B4GALNT3: variants seen among roughly 807,000 people sequenced by gnomAD.
B4GALNT3 encodes beta-1,4-N-acetyl-galactosaminyltransferase 3, also known as beta-1,4-N-acetylgalactosaminyltransferase 3.
Under a neutral mutation model 120.2 loss-of-function variants are expected in B4GALNT3, and 86 were observed. The observed-to-expected ratio is 0.72, with a 90% CI of 0.60 to 0.86. The LOEUF is 0.86. Among genes scored for constraint, B4GALNT3 ranks in the 40% least tolerant of loss-of-function variants. The pLI is 0.00. For synonymous variants in B4GALNT3, 518 were observed against 510.4 expected (o/e 1.01, Z -0.20); for missense variants, 1,167 against 1,298.9 (o/e 0.90, Z 1.56).
chr12:503,263 G>A (rs1223064989), intron 1 of B4GALNT3, among the ~76,000 whole-genome samples: 1 of 152,086 alleles, frequency 6.6e-6, no homozygotes, highest in Admixed American at 6.6e-5. Flanking sequence ...CTGCATACCT[G>A]TTCTCTCACC....
intron 1 of B4GALNT3, among the ~76,000 whole-genome samples, chr12:502,390 C>T (rs1946453348): frequency 1.3e-5 from 2 of 152,162 alleles, no homozygotes; most frequent in South Asian, 4.1e-4. Context: ...ATTATACGCT[C>T]TGGGGCCTCC....
At chr12:464,037 G>A (rs1377202036) in intron 1 of B4GALNT3, among the ~76,000 whole-genome samples, 1 of 152,212 alleles carries the variant, frequency 6.6e-6, no homozygotes, top group East Asian at 1.9e-4. Flanking sequence ...GTCCTGACGA[G>A]TCCCCTTGTT....
chr12:512,944 CTTCTTCCACCTTCCACCTTCCACT>C (rs75933547), intron 1 of B4GALNT3, among the ~76,000 whole-genome samples: 1 of 131,236 alleles, frequency 7.6e-6, no homozygotes, highest in Non-Finnish European at 1.7e-5. Flanking sequence ...CACCTTCCAC[CTTCTTCCACCTTCCACCTTCCACT>C]TTCCACCTTC....
At chr12:508,304 T>C (rs910076471) in intron 1 of B4GALNT3, among the ~76,000 whole-genome samples, 1 of 152,168 alleles carries the variant, frequency 6.6e-6, no homozygotes, top group Non-Finnish European at 1.5e-5. Flanking sequence ...AGGGTCTTGC[T>C]CCATCACCCA....
chr12:468,670 A>G (rs527475667), intron 1 of B4GALNT3, among the ~76,000 whole-genome samples: 8 of 152,360 alleles, frequency 5.3e-5, no homozygotes, highest in South Asian at 4.1e-4. Flanking sequence ...ATGAAGATCT[A>G]TGGCTGCTGC....
At chr12:552,593 G>T in intron 13 of B4GALNT3, 65 bp downstream of exon 13, 3 of 1,524,958 alleles carry the variant, frequency 2.0e-6, no homozygotes, top group Non-Finnish European at 1.8e-6. Context: ...TGTTTCCAGG[G>T]GATGTTCAGA....
chr12:544,208 G>A lies in B4GALNT3; in HGVS notation c.352-131G>A, dbSNP rs924779626. On this transcript the variant is annotated intron_variant, in intron 3 of 19. Coordinates refer to ENST00000266383, the MANE Select transcript of B4GALNT3 (RefSeq NM_173593.4). ...TCCTGGAGCTGAGGCTCTGGGGAGG[G>A]CATGGGGTGCTCATCCTCCTGGAGC... 128 of 748,864 alleles carry A rather than the reference G, an allele frequency of 1.7e-4. 1 individual carries two copies. Among genetic ancestry groups the A allele is most frequent in the Admixed American group, 5.4e-4 (25 of 46,386 alleles). 46.4% of individuals were successfully genotyped at this position (748,864 alleles called of 1,614,324 possible).
At position 553,000 on chromosome 12, in the gene B4GALNT3, T is replaced by A. The variant is rs551837930; in HGVS notation, c.1271-194T>A. 228 of 718,816 alleles carry A rather than the reference T, an allele frequency of 3.2e-4. 1 individual carries two copies. The South Asian group carries it at 4.1e-3, about 13-fold the overall frequency. The allele number at this position is 718,816 out of a possible 1,614,324, so 44.5% of individuals were successfully genotyped here. A position where few individuals can be genotyped will look rare whatever the true frequency, so the allele number is the denominator to read the frequency against. On this transcript the variant is annotated intron_variant, in intron 13 of 19. Transcript: ENST00000266383. ...GAGAGATGCAGTATTATTCCCTTTA[T>A]GCAGATGAAGAAACTGGGGTTAATT...
intron 3 of B4GALNT3, among the ~76,000 whole-genome samples, chr12:543,873 C>T (rs1946954192): frequency 8.2e-6 from 1 of 121,692 alleles, no homozygotes; most frequent in Non-Finnish European, 1.7e-5. Flanking sequence ...CTGGGGCGGG[C>T]ATGGGGTGCT....
chr12:511,452 CCTT>C (rs200073820), intron 1 of B4GALNT3, among the ~76,000 whole-genome samples: 2,756 of 76,634 alleles, frequency 0.036, 266 homozygotes, highest in East Asian at 0.13. Flanking sequence ...CCACCTTCCA[CCTT>C]CTTCCACCTT....
chr12:522,095 C>T (rs1256176426), intron 1 of B4GALNT3, among the ~76,000 whole-genome samples: 1 of 152,118 alleles, frequency 6.6e-6, no homozygotes, highest in African/African-American at 2.4e-5. Flanking sequence ...AGCTTTGCCA[C>T]CAAAGAAGAG....
At chr12:479,167 C>A (rs1946211686) in intron 1 of B4GALNT3, among the ~76,000 whole-genome samples, 1 of 152,102 alleles carries the variant, frequency 6.6e-6, no homozygotes, top group African/African-American at 2.4e-5. Context: ...TCTGCAGTGA[C>A]CTGACTCTTG....
intron 17 of B4GALNT3, 50 bp downstream of exon 17, chr12:558,138 A>C (rs1370296653): frequency 6.3e-7 from 1 of 1,586,290 alleles, no homozygotes; most frequent in Non-Finnish European, 8.7e-7. Context: ...GCTGGTTAAG[A>C]GGTAGAGAGA....
In B4GALNT3 at chr12:551,018, A is replaced by G. The variant is rs1409570416; in HGVS notation, c.1094A>G (p.Gln365Arg). ...LVDGLPLQRY[Q>R]GLRFVHLSFV... Reference sequence around the variant, plus strand: ...GATGGGCTTCCTCTGCAGCGCTACCAGGGACTCCGGTTTGTAAGTCTTGGG... The same window carrying G: ...GATGGGCTTCCTCTGCAGCGCTACCGGGGACTCCGGTTTGTAAGTCTTGGG... Residue 365 changes from glutamine (Q) to arginine (R), a missense_variant, in exon 11 of 20, where the codon CAG (glutamine) becomes CGG (arginine). By Grantham distance (43) the Gln-to-Arg change is conservative (BLOSUM62 1). Coordinates refer to ENST00000266383, the MANE Select transcript of B4GALNT3 (RefSeq NM_173593.4). 6.2e-7 allele frequency: 1 copy of G among 1,611,434 alleles called. No individual in the cohort carries two copies. The highest frequency in any genetic ancestry group is 8.5e-7 in the Non-Finnish European group (1 of 1,177,550).
At chr12:533,691 G>A (rs1361480520) in intron 1 of B4GALNT3, among the ~76,000 whole-genome samples, 1 of 152,182 alleles carries the variant, frequency 6.6e-6, no homozygotes, top group Non-Finnish European at 1.5e-5. Flanking sequence ...CTGTGAAATG[G>A]GGTCATGGAG....
intron 1 of B4GALNT3, among the ~76,000 whole-genome samples, chr12:465,996 T>C (rs1313237132): frequency 5.9e-5 from 8 of 134,978 alleles, no homozygotes; most frequent in Admixed American, 1.5e-4. Context: ...GGTGATGGGG[T>C]TTCCTGCCAC....
At chr12:494,550 G>A (rs1351420089) in intron 1 of B4GALNT3, among the ~76,000 whole-genome samples, 1 of 152,290 alleles carries the variant, frequency 6.6e-6, no homozygotes, top group Non-Finnish European at 1.5e-5. Context: ...AGGATTGGGT[G>A]GGACCATAGC....
intron 1 of B4GALNT3, among the ~76,000 whole-genome samples, chr12:512,176 TCCGCCTTCCACCTTCCGCCTTCCA>T (rs574130728): frequency 1.4e-5 from 1 of 71,798 alleles, no homozygotes; most frequent in Non-Finnish European, 2.5e-5. Flanking sequence ...CCTTCCGCCT[TCCGCCTTCCACCTTCCGCCTTCCA>T]CCTTCCACCT....
Position 544,428 on chromosome 12 carries a change from C to T in B4GALNT3, c.441C>T (p.Tyr147=), listed in dbSNP as rs150421237. 2,791 of 1,613,618 alleles carry T rather than the reference C, an allele frequency of 1.7e-3. 41 individuals carry two copies. Among genetic ancestry groups the T allele is most frequent in the East Asian group, 4.4e-3 (197 of 44,886 alleles). ...GGAGGAACCTGCATTTCCCACTGTA[C>T]CCCCATGTGAGTGCCTGAGGGCTGC... ...QLRRNLHFPL[Y]PHIRTTLRKL... is the part of the protein sequence containing the mutation. Residue 147 remains tyrosine (Y), a synonymous_variant, in exon 4 of 20, where the codon TAC becomes TAT. Coordinates refer to ENST00000266383, the MANE Select transcript of B4GALNT3 (RefSeq NM_173593.4).
Sources: allele counts gnomAD v4.1 joint callset (sites outside exome capture counted in the v4.1 genomes callset), GRCh38; gene constraint gnomAD v4.1.1; transcripts MANE v1.5; gene names NCBI Gene and HGNC (gene_info 2026-07-23, HGNC 2026-07-21).